The following EVC2 variants were observed in gnomAD, a reference collection of about 807,000 sequenced individuals.
EVC2 encodes limbin.
In EVC2, 148 loss-of-function variants were observed where a neutral mutation model predicts 149.3. The ratio of observed to expected loss-of-function variants is 0.99; its 90% confidence interval spans 0.87 to 1.14. EVC2 has a LOEUF of 1.14. Among genes scored for constraint, EVC2 ranks in the 50% most tolerant of loss-of-function variants. EVC2 has a pLI of 0.00. For missense variants in EVC2, 1,854 were observed against 1,627.3 expected (o/e 1.14, Z -2.40); for synonymous variants, 776 against 649.9 (o/e 1.19, Z -2.95).
intron 21 of EVC2, among the ~76,000 whole-genome samples, chr4:5,548,855 C>A (rs1396520237): frequency 1.3e-5 from 2 of 152,082 alleles, no homozygotes; most frequent in East Asian, 3.9e-4. Flanking sequence ...GTAGATGACC[C>A]TCCAGGGACA....
downstream of EVC2, among the ~76,000 whole-genome samples, chr4:5,561,648 C>T (rs1251404266): frequency 6.6e-6 from 1 of 152,146 alleles, no homozygotes; most frequent in Non-Finnish European, 1.5e-5. Context: ...GGCAGATAAG[C>T]ATTTTAGTTA....
At chr4:5,650,666 G>GAA (rs1718068083) in intron 9 of EVC2, among the ~76,000 whole-genome samples, 1 of 142,582 alleles carries the variant, frequency 7.0e-6, no homozygotes, top group African/African-American at 2.5e-5. Context: ...GAGAGAGAGA[G>GAA]AGAGAGCCAT....
chr4:5,606,199 C>T (rs926607696), intron 16 of EVC2, among the ~76,000 whole-genome samples: 18 of 152,258 alleles, frequency 1.2e-4, no homozygotes, highest in Admixed American at 2.6e-4. Context: ...CCTCATGACC[C>T]GGCTCCCACC....
intron 1 of EVC2, among the ~76,000 whole-genome samples, chr4:5,699,300 T>C (rs772898448): frequency 1.3e-5 from 2 of 152,232 alleles, no homozygotes; most frequent in Non-Finnish European, 2.9e-5. Context: ...CTTCAGTTTG[T>C]TCACACGGAG....
At chr4:5,536,585 C>T in the EVC2 span, among the ~76,000 whole-genome samples, 2 of 152,038 alleles carry the variant, frequency 1.3e-5, no homozygotes, top group Non-Finnish European at 2.9e-5. Flanking sequence ...GAGATCGAGA[C>T]CATCTTGGCT....
At chr4:5,689,820 CAT>C (rs1171496465) in intron 4 of EVC2, among the ~76,000 whole-genome samples, 4 of 152,328 alleles carry the variant, frequency 2.6e-5, no homozygotes, top group Admixed American at 2.0e-4. Context: ...CTGCCCAGCA[CAT>C]GTCTCAGTGG....
In EVC2 at chr4:5,641,263, G is replaced by C. The variant is rs148164255; in HGVS notation, c.1146-425C>G. On this transcript the variant is annotated intron_variant, in intron 9 of 21. Transcript: ENST00000344408. ...GGACGGAATCCCAGAGCAAAAAAAA[G>C]GACATTAGATTAAAAACTATGAAAA... 9.3e-4 allele frequency among the ~76,000 whole-genome samples: 142 copies of C among 152,140 alleles called. 1 individual carries two copies. The highest frequency in any genetic ancestry group is 7.7e-4 in the East Asian group (4 of 5,178).
rs763041096 is a variant in EVC2 at position 5,632,023 on chromosome 4, C to G, written c.1480G>C (p.Glu494Gln). The stretch of plus-strand genomic sequence containing the variant: ...AGGGTCCGCAGAAGGTTGCTGCACT[C>G]TACAGCAGACTGGAGAGAGGAAAGG... ...LKRAGERSAV[E>Q]CSNLLRTLHG... Residue 494 changes from glutamate (E) to glutamine (Q), a missense_variant, in exon 11 of 22, where the codon GAG becomes CAG. Glu to Gln is a conservative substitution (Grantham distance 29, BLOSUM62 2). Coordinates refer to ENST00000344408, the MANE Select transcript of EVC2 (RefSeq NM_147127.5). The G allele has an allele frequency of 3.1e-6, 5 of 1,614,034 alleles. No homozygotes were observed. The highest frequency in any genetic ancestry group is 2.2e-5 in the East Asian group (1 of 44,872).
chr4:5,627,245 TAC>T (rs1716182773), intron 12 of EVC2, among the ~76,000 whole-genome samples: 1 of 152,192 alleles, frequency 6.6e-6, no homozygotes, highest in South Asian at 2.1e-4. Flanking sequence ...CAGTAGTAGA[TAC>T]ATGTTTTAGA....
chr4:5,596,578 A>G (rs1319883807), intron 16 of EVC2, among the ~76,000 whole-genome samples: 1 of 152,212 alleles, frequency 6.6e-6, no homozygotes, highest in African/African-American at 2.4e-5. Flanking sequence ...CAGTGTGTAG[A>G]GGGAAACTTA....
intron 16 of EVC2, among the ~76,000 whole-genome samples, chr4:5,605,290 C>G (rs1220838408): frequency 1.3e-5 from 2 of 152,308 alleles, no homozygotes; most frequent in African/African-American, 4.8e-5. Context: ...CTGGAGTGTG[C>G]TCTGTCTCTT....
chr4:5,636,923 A>C lies in EVC2; in HGVS notation c.1470+3591T>G, dbSNP rs544966071. On this transcript the variant is annotated intron_variant, in intron 10 of 21. Transcript: ENST00000344408. The surrounding 1 kb of genome is among the most constrained non-coding windows in gnomAD (Gnocchi z 4.6). ...ACTGGAAGGAAACTAGTTCTATTAA[A>C]TGCTGCAGCTCAGATACTATTTCTG... is the stretch of plus-strand genomic sequence containing the variant. 6.6e-6 allele frequency among the ~76,000 whole-genome samples: 1 copy of C among 152,328 alleles called. No individual in the cohort carries two copies. Among genetic ancestry groups the C allele is most frequent in the East Asian group, 1.9e-4 (1 of 5,188 alleles).
rs548775463 is a variant in EVC2, at chr4:5,707,730, G to T, written c.228+556C>A. Among the ~76,000 whole-genome samples, 284 of 152,196 alleles carry T rather than the reference G, an allele frequency of 1.9e-3. 2 individuals carry two copies. Among genetic ancestry groups the T allele is most frequent in the African/African-American group, 6.5e-3 (269 of 41,514 alleles). On this transcript the variant is annotated intron_variant, in intron 1 of 21. Transcript: ENST00000344408. ...CTTTGTCGGGGGAGGTCAAGTCTAG[G>T]GCTACAGCCAGGGATCCATGCCTTT... is the stretch of plus-strand genomic sequence containing the variant.
intron 9 of EVC2, among the ~76,000 whole-genome samples, chr4:5,644,187 C>T (rs1717541040): frequency 6.6e-6 from 1 of 152,334 alleles, no homozygotes; most frequent in Middle Eastern, 3.4e-3. Flanking sequence ...TCTCTCTATC[C>T]TCTGTATTTC....
chr4:5,600,578 T>C (rs1713896037), intron 16 of EVC2, among the ~76,000 whole-genome samples: 1 of 152,110 alleles, frequency 6.6e-6, no homozygotes, highest in Non-Finnish European at 1.5e-5. Flanking sequence ...GTGATACAAT[T>C]TTGAAAGTTA....
In EVC2 at chr4:5,663,139, C is replaced by T. The variant is rs779382804; in HGVS notation, c.1113G>A (p.Glu371=). 6 of 1,614,032 alleles carry T rather than the reference C, an allele frequency of 3.7e-6. No homozygotes were observed. The African/African-American group carries it at 4.0e-5, about 11-fold the overall frequency. The change falls in exon 9 of 22, where the codon GAG becomes GAA. Residue 371 remains glutamate (E), a synonymous_variant. Coordinates refer to ENST00000344408, the MANE Select transcript of EVC2 (RefSeq NM_147127.5). The part of the protein sequence containing the change: ...NDQMIDILSS[E]DPGSMLQALE... The stretch of plus-strand genomic sequence containing the variant: ...AGGCTTGAAGCATGCTCCCAGGGTC[C>T]TCGGAAGACAGAATGTCTATCATTT...
chr4:5,608,433 T>A (rs1383979054), intron 16 of EVC2, among the ~76,000 whole-genome samples: 4 of 152,240 alleles, frequency 2.6e-5, no homozygotes, highest in Admixed American at 2.6e-4. Flanking sequence ...TAATTTTATG[T>A]GTCACTGAAC....
intron 21 of EVC2, among the ~76,000 whole-genome samples, chr4:5,546,534 G>GA (rs1438158969): frequency 1.3e-5 from 2 of 151,870 alleles, no homozygotes; most frequent in Non-Finnish European, 2.9e-5. Context: ...ATGGACACAG[G>GA]AAGGGGAACA....
In EVC2 at chr4:5,632,042, G is replaced by A. The variant is rs1439878397; in HGVS notation, c.1471-10C>T. 6.2e-6 allele frequency: 10 copies of A among 1,613,748 alleles called. No individual in the cohort carries two copies. Among genetic ancestry groups the A allele is most frequent in the South Asian group, 1.1e-5 (1 of 91,066 alleles). ...TGCACTCTACAGCAGACTGGAGAGA[G>A]GAAAGGGAGAGCGTGAGAAACTGAC... On this transcript the variant is annotated splice_polypyrimidine_tract_variant and intron_variant, in intron 10 of 21. Transcript: ENST00000344408.
Sources: allele counts gnomAD v4.1 joint callset (sites outside exome capture counted in the v4.1 genomes callset), GRCh38; gene constraint gnomAD v4.1.1; non-coding constraint Gnocchi (gnomAD v3.1); transcripts MANE v1.5; gene names NCBI Gene and HGNC (gene_info 2026-07-23, HGNC 2026-07-21).